The following CD55 variants were observed in gnomAD, a reference collection of about 807,000 sequenced individuals.
The protein encoded by CD55 is complement decay-accelerating factor.
CD55 carries 41 observed loss-of-function variants against 45.8 expected under a neutral mutation model. That is an observed-to-expected ratio of 0.90 (90% CI 0.70 to 1.16). The LOEUF (loss-of-function observed/expected upper bound fraction) is 1.16, where lower values mean the gene tolerates loss of function less well. CD55 is among the 50% of genes most tolerant of loss of function. The probability of loss-of-function intolerance (pLI) is 0.00; values close to 1 mark genes in which losing one functional copy is unlikely to be tolerated. For missense variants in CD55, 416 were observed against 469.8 expected (o/e 0.89, Z 1.06); for synonymous variants, 181 against 181.1 (o/e 1.00, Z 0.01).
chr1:207,341,882 G>A (rs28738994), intron 9 of CD55, among the ~76,000 whole-genome samples: 4,486 of 151,986 alleles, frequency 0.03, 226 homozygotes, highest in African/African-American at 0.1. Flanking sequence ...CGTGAGCATG[G>A]GATGTCTTTC....
chr1:207,330,336 A>AG (rs1425365738), intron 5 of CD55, among the ~76,000 whole-genome samples: 1 of 152,018 alleles, frequency 6.6e-6, no homozygotes, highest in African/African-American at 2.4e-5. Flanking sequence ...TTCTTAAAAA[A>AG]AAAAAAAAGG....
Position 207,325,720 on chromosome 1 carries a change from G to C in CD55, c.577G>C (p.Gly193Arg). Residue 193 changes from glycine to arginine, a missense_variant and splice_region_variant, in exon 4 of 10, where the codon GGG (glycine) becomes CGG (arginine). Gly to Arg is a moderately radical substitution (Grantham distance 125, BLOSUM62 -2). Transcript: ENST00000367064. ...AACCATCTCCTTCTCATGTAACACA[G>C]GGTAAGTTTGGGCATACTAAAACCC... Reference protein sequence around the residue: ...GATISFSCNTGYKLFGSTSSF... With the variant: ...GATISFSCNTRYKLFGSTSSF... 1 of 1,567,566 alleles carries C rather than the reference G, an allele frequency of 6.4e-7. No individual in the cohort carries two copies. Among genetic ancestry groups the C allele is most frequent in the Non-Finnish European group, 8.8e-7 (1 of 1,139,016 alleles).
rs558087832 is a variant in CD55, at chr1:207,327,006, T to A, written c.664+169T>A. ...ACCTTTTCTAGTGATGTTCCTTCAT[T>A]TAGCAGCTGTGAAGATAAACCAGCA... On this transcript the variant is annotated intron_variant, in intron 5 of 9. Transcript: ENST00000367064. Among the ~76,000 whole-genome samples the A allele has an allele frequency of 1.4e-4, 21 of 152,332 alleles. No homozygotes were observed. The South Asian group carries it at 4.3e-3, about 32-fold the overall frequency.
chr1:207,334,907 CTTTACTA>C (rs56357840), intron 6 of CD55, among the ~76,000 whole-genome samples: 104,197 of 150,976 alleles, frequency 0.69, 36,372 homozygotes, highest in Middle Eastern at 0.83. Context: ...GAACCTAGTT[CTTTACTA>C]TTTACAAGAG....
intron 4 of CD55, among the ~76,000 whole-genome samples, chr1:207,326,304 TTATAAAG>T (rs1260532413): frequency 5.9e-5 from 9 of 152,230 alleles, no homozygotes; most frequent in African/African-American, 2.2e-4. Context: ...TCCCTATTCT[TTATAAAG>T]TAAAAATATC....
chr1:207,344,848 T>A (rs1306774678), intron 9 of CD55, among the ~76,000 whole-genome samples: 1 of 152,034 alleles, frequency 6.6e-6, no homozygotes, highest in African/African-American at 2.4e-5. Flanking sequence ...GAGTAGTAGC[T>A]GGGATTACAG....
At chr1:207,341,758 CT>C (rs1259086252) in intron 9 of CD55, among the ~76,000 whole-genome samples, 9 of 148,624 alleles carry the variant, frequency 6.1e-5, no homozygotes, top group East Asian at 2.0e-4. Context: ...CATTTTAGGA[CT>C]TTTTTTTTTC....
chr1:207,350,097 CTA>C, intron 9 of CD55: 1 of 454,438 alleles, frequency 2.2e-6, no homozygotes, highest in South Asian at 1.6e-5. Context: ...AAAGCCTTTT[CTA>C]CAACAATTGA....
intron 9 of CD55, among the ~76,000 whole-genome samples, chr1:207,352,980 G>A (rs1246696577): frequency 6.9e-6 from 1 of 144,064 alleles, no homozygotes; most frequent in African/African-American, 2.6e-5. Context: ...TTTGTAACTT[G>A]CCTTTCACAG....
chr1:207,328,013 T>G (rs942789665), intron 5 of CD55, among the ~76,000 whole-genome samples: 7 of 152,234 alleles, frequency 4.6e-5, no homozygotes, highest in African/African-American at 1.7e-4. Context: ...ATCTTTTGTT[T>G]GACCCAGGCA....
At chr1:207,329,754 G>A (rs1654856306) in intron 5 of CD55, among the ~76,000 whole-genome samples, 1 of 151,954 alleles carries the variant, frequency 6.6e-6, no homozygotes, top group Admixed American at 6.6e-5. Flanking sequence ...TGGGACTATA[G>A]GTGCACACCA....
intron 9 of CD55, among the ~76,000 whole-genome samples, chr1:207,352,754 A>G (rs1272510988): frequency 2.0e-5 from 3 of 152,210 alleles, no homozygotes; most frequent in East Asian, 1.9e-4. Context: ...AATCACTATT[A>G]TTTTCCTAAG....
chr1:207,331,663 C>G (rs748613261), intron 6 of CD55, among the ~76,000 whole-genome samples: 2 of 152,172 alleles, frequency 1.3e-5, no homozygotes, highest in Non-Finnish European at 2.9e-5. Context: ...ATTGAAGGCT[C>G]TAGATAGTGA....
At chr1:207,330,308 C>T (rs1654884836) in intron 5 of CD55, among the ~76,000 whole-genome samples, 1 of 145,774 alleles carries the variant, frequency 6.9e-6, no homozygotes, top group Non-Finnish European at 1.5e-5. Context: ...GGCATACACA[C>T]ATATTAAATT....
In CD55 at chr1:207,331,125, C is replaced by G; in HGVS notation, c.682C>G (p.Pro228Ala). 6.2e-7 allele frequency: 1 copy of G among 1,611,768 alleles called. No individual in the cohort carries two copies. ...PECREIYCPA[P>A]PQIDNGIIQG... Reference sequence around the variant, plus strand: ...TTTTTAAGAAATTTATTGTCCAGCACCACCACAAATTGACAATGGAATAAT... The same window carrying G: ...TTTTTAAGAAATTTATTGTCCAGCAGCACCACAAATTGACAATGGAATAAT... The change falls in exon 6 of 10, where the codon CCA becomes GCA. Residue 228 changes from proline to alanine, a missense_variant. Around this residue, in one of 3 missense-constraint regions of CD55, gnomAD observed 182 missense variants for 201.4 expected, o/e 0.90. Coordinates refer to ENST00000367064, the MANE Select transcript of CD55 (RefSeq NM_000574.5).
intron 8 of CD55, chr1:207,337,659 TA>T (rs55690559): frequency 0.025 from 6,857 of 274,920 alleles, no homozygotes; most frequent in South Asian, 0.034. Context: ...TTAAGATTGG[TA>T]AAAAAAAAAA....
At chr1:207,343,504 A>G (rs1468792041) in intron 9 of CD55, among the ~76,000 whole-genome samples, 2 of 152,030 alleles carry the variant, frequency 1.3e-5, no homozygotes, top group East Asian at 3.8e-4. Flanking sequence ...GTTGTTATTA[A>G]TTTCTAGTTT....
At chr1:207,326,964 G>A (rs1190352005) in intron 5 of CD55, 127 bp downstream of exon 5, 12 of 547,596 alleles carry the variant, frequency 2.2e-5, no homozygotes, top group Non-Finnish European at 3.5e-5. Flanking sequence ...ATATATGAGT[G>A]CTTTGCTAAT....
chr1:207,323,254 GAT>G (rs757138977), intron 2 of CD55, among the ~76,000 whole-genome samples: 18 of 149,484 alleles, frequency 1.2e-4, no homozygotes, highest in Non-Finnish European at 1.9e-4. Context: ...TATAGGGAGA[GAT>G]ATATATATAT....
Sources: gnomAD v4.1 joint callset for allele counts (sites outside exome capture counted in the v4.1 genomes callset) on GRCh38, gnomAD v4.1.1 for gene constraint, gnomAD v4.1.1 regional missense constraint, MANE v1.5 for transcripts, NCBI Gene and HGNC (gene_info 2026-07-23, HGNC 2026-07-21) for gene names.